The following LRRIQ1 variants were observed in gnomAD, a reference collection of about 807,000 sequenced individuals.
The protein encoded by LRRIQ1 is leucine-rich repeat- and IQ domain-containing protein 1.
LRRIQ1 carries 210 observed loss-of-function variants against 211.9 expected under a neutral mutation model. The observed-to-expected ratio is 0.99, with a 90% confidence interval of 0.89 to 1.11. The LOEUF is 1.11. Ranked by LOEUF, LRRIQ1 falls within the 50% of genes most tolerant of loss-of-function variation. The probability of loss-of-function intolerance (pLI) is 0.00; values close to 1 mark genes in which losing one functional copy is unlikely to be tolerated. For synonymous variants in LRRIQ1, 699 were observed against 650.1 expected (o/e 1.08, Z -1.14); for missense variants, 2,136 against 1,939.5 (o/e 1.10, Z -1.90).
At chr12:85,170,504 AAT>A (rs966805857) in intron 24 of LRRIQ1, among the ~76,000 whole-genome samples, 1 of 150,226 alleles carries the variant, frequency 6.7e-6, no homozygotes, top group Admixed American at 6.7e-5. Context: ...CCCATGTATA[AAT>A]ATATATATAA....
chr12:85,053,805 TCACGC>T (rs1363035916), intron 7 of LRRIQ1, among the ~76,000 whole-genome samples: 1 of 152,210 alleles, frequency 6.6e-6, no homozygotes, highest in Non-Finnish European at 1.5e-5. Flanking sequence ...CCTCCTGGGT[TCACGC>T]CATTCTCCTG....
At chr12:85,087,101 C>T (rs1884909452) in intron 11 of LRRIQ1, among the ~76,000 whole-genome samples, 1 of 152,042 alleles carries the variant, frequency 6.6e-6, no homozygotes, top group African/African-American at 2.4e-5. Context: ...CATCCCCCCA[C>T]CCCACGACAG....
At chr12:85,115,609 A>G (rs1366779768) in intron 15 of LRRIQ1, among the ~76,000 whole-genome samples, 3 of 152,150 alleles carry the variant, frequency 2.0e-5, no homozygotes, top group Admixed American at 1.3e-4. Flanking sequence ...ATTGTTCCCC[A>G]TACCTGAAAT....
intron 23 of LRRIQ1, among the ~76,000 whole-genome samples, 194 bp downstream of exon 23, chr12:85,154,288 C>A (rs1051234037): frequency 7.1e-6 from 1 of 140,856 alleles, no homozygotes. Flanking sequence ...TACTCTTAAA[C>A]ACTATTTTTA....
In LRRIQ1 at chr12:85,040,616, C is replaced by T; in HGVS notation, c.244+15C>T. On this transcript the variant is annotated intron_variant, in intron 3 of 26. Transcript: ENST00000393217. The stretch of plus-strand genomic sequence containing the variant: ...TGATATTTTAAGTAAGTACTATTTT[C>T]ATCTGTCTGGCAGATAAGCTTTCTG... 4.8e-6 allele frequency: 7 copies of T among 1,450,488 alleles called. No homozygotes were observed. Among genetic ancestry groups the T allele is most frequent in the Non-Finnish European group, 6.7e-6 (7 of 1,043,632 alleles). 89.9% of individuals were successfully genotyped at this position (1,450,488 alleles called of 1,614,324 possible).
chr12:85,065,938 C>T (rs560182741), intron 9 of LRRIQ1, among the ~76,000 whole-genome samples: 93 of 151,992 alleles, frequency 6.1e-4, no homozygotes, highest in Non-Finnish European at 1.0e-3. Flanking sequence ...TAGGGTATTA[C>T]TCAAGAGCAG....
chr12:85,236,981 A>G (rs117374215), intron 26 of LRRIQ1, among the ~76,000 whole-genome samples: 523 of 151,418 alleles, frequency 3.5e-3, no homozygotes, highest in Middle Eastern at 0.014. Context: ...AATTGGTTGG[A>G]TATATATTAT....
chr12:85,232,672 C>G (rs1391157736), intron 25 of LRRIQ1, 24 bp from the exon 26 acceptor site: 2 of 1,588,314 alleles, frequency 1.3e-6, no homozygotes, highest in South Asian at 2.2e-5. Context: ...TTATAAAATA[C>G]TTTCTGTTTT....
chr12:85,053,263 A>G (rs191207810), intron 7 of LRRIQ1, among the ~76,000 whole-genome samples: 46 of 152,292 alleles, frequency 3.0e-4, no homozygotes, highest in African/African-American at 9.9e-4. Flanking sequence ...GCAAAGAGGT[A>G]AAGAGATAAT....
At chr12:85,205,292 A>G (rs994893069) in intron 24 of LRRIQ1, among the ~76,000 whole-genome samples, 1 of 152,228 alleles carries the variant, frequency 6.6e-6, no homozygotes, top group Non-Finnish European at 1.5e-5. Context: ...GCATGAAAAT[A>G]GACTAATACA....
At chr12:85,148,989 A>G (rs142968292) in intron 19 of LRRIQ1, among the ~76,000 whole-genome samples, 4 of 151,498 alleles carry the variant, frequency 2.6e-5, no homozygotes, top group African/African-American at 9.7e-5. Context: ...TCGCTTTTTG[A>G]TGGGGTTATT....
intron 9 of LRRIQ1, among the ~76,000 whole-genome samples, chr12:85,065,999 T>C (rs1034572530): frequency 2.3e-4 from 35 of 151,888 alleles, no homozygotes; most frequent in Non-Finnish European, 4.1e-4. Context: ...TGCAAGTGCT[T>C]ATAAAACATC....
rs563249435 is a variant in LRRIQ1, at chr12:85,250,775, T to A, written c.121+5866T>A. On this transcript the variant is annotated intron_variant, in intron 1 of 1. Coordinates refer to the LRRIQ1 transcript ENST00000602731. The stretch of plus-strand genomic sequence containing the variant: ...TAAATAGATAATGGAATATGGAAAA[T>A]ATATATATATTATATTATAGATTAT... Among the ~76,000 whole-genome samples the A allele has an allele frequency of 9.7e-3, 1,056 of 108,690 alleles. 10 individuals carry two copies. Among genetic ancestry groups the A allele is most frequent in the Non-Finnish European group, 0.015 (795 of 53,656 alleles). The allele number at this position is 108,690 out of a possible 152,430, so 71.3% of individuals were successfully genotyped here.
intron 26 of LRRIQ1, among the ~76,000 whole-genome samples, chr12:85,233,805 G>A (rs1333638851): frequency 6.6e-6 from 1 of 152,146 alleles, no homozygotes; most frequent in Non-Finnish European, 1.5e-5. Context: ...ATTATCCAAG[G>A]AAAATTGCTA....
chr12:85,234,357 C>T (rs1895082077), intron 26 of LRRIQ1, among the ~76,000 whole-genome samples: 1 of 152,116 alleles, frequency 6.6e-6, no homozygotes, highest in Non-Finnish European at 1.5e-5. Flanking sequence ...AATCCTTTTT[C>T]CATACTCCTC....
At chr12:85,080,346 C>T (rs927520035) in intron 11 of LRRIQ1, among the ~76,000 whole-genome samples, 1 of 151,620 alleles carries the variant, frequency 6.6e-6, no homozygotes, top group Non-Finnish European at 1.5e-5. Flanking sequence ...ATTCCAAATA[C>T]ACATGTTTTT....
chr12:85,214,721 C>A (rs989452059), intron 24 of LRRIQ1, among the ~76,000 whole-genome samples: 1 of 151,760 alleles, frequency 6.6e-6, no homozygotes, highest in Non-Finnish European at 1.5e-5. Flanking sequence ...TTAAAAAAGA[C>A]CTGTGTGTAA....
At chr12:85,125,807 A>G (rs531415281) in intron 17 of LRRIQ1, among the ~76,000 whole-genome samples, 1 of 152,330 alleles carries the variant, frequency 6.6e-6, no homozygotes, top group Non-Finnish European at 1.5e-5. Flanking sequence ...GAAATTTCAT[A>G]TAAACAATAT....
chr12:85,091,464 A>C (rs1249435749), intron 11 of LRRIQ1, among the ~76,000 whole-genome samples: 1 of 152,004 alleles, frequency 6.6e-6, no homozygotes, highest in African/African-American at 2.4e-5. Flanking sequence ...TACTCTGTTG[A>C]TAGTTTCTTT....
Sources: allele counts gnomAD v4.1 joint callset (sites outside exome capture counted in the v4.1 genomes callset), GRCh38; gene constraint gnomAD v4.1.1; transcripts MANE v1.5; gene names NCBI Gene and HGNC (gene_info 2026-07-23, HGNC 2026-07-21).